Variants in FNDC3B observed in about 807,000 individuals in gnomAD.
The protein encoded by FNDC3B is fibronectin type III domain containing 3B, also known as fibronectin type III domain-containing protein 3B.
In FNDC3B, 12 loss-of-function variants were observed where a neutral mutation model predicts 151.5. The observed-to-expected ratio is 0.08, with a 90% CI of 0.05 to 0.13. FNDC3B has a LOEUF of 0.13. Among genes scored for constraint, FNDC3B ranks in the 10% least tolerant of loss-of-function variants. FNDC3B has a pLI of 1.00. For missense variants in FNDC3B, 1,214 were observed against 1,505.3 expected, an observed-to-expected ratio of 0.81 and a Z score of 3.20; for synonymous variants, 528 against 549.0, an observed-to-expected ratio of 0.96 and a Z score of 0.54.
rs559697240 is a variant in FNDC3B, at chr3:172,054,793, T to C, written c.-29+15022T>C. Among the ~76,000 whole-genome samples, 4 of 152,286 alleles carry C rather than the reference T, an allele frequency of 2.6e-5. No homozygotes were observed. The East Asian group carries it at 7.7e-4, about 29-fold the overall frequency. ...GCCCACCTGACCCCTCTCTCTATAG[T>C]TGGAGGCTGGGGAAGCCTTTGCCTC... On this transcript the variant is annotated intron_variant, in intron 1 of 25. Coordinates refer to ENST00000415807, the MANE Select transcript of FNDC3B (RefSeq NM_022763.4).
intron 3 of FNDC3B, among the ~76,000 whole-genome samples, chr3:172,214,718 C>T (rs1159897489): frequency 6.6e-6 from 1 of 152,132 alleles, no homozygotes; most frequent in African/African-American, 2.4e-5. Flanking sequence ...TCCATACATC[C>T]TGGACATTTC....
chr3:172,353,444 G>A (rs951671930), intron 22 of FNDC3B, among the ~76,000 whole-genome samples: 2 of 152,190 alleles, frequency 1.3e-5, no homozygotes, highest in Non-Finnish European at 2.9e-5. Flanking sequence ...CTTAACAGTG[G>A]CTTAAATGAT....
At chr3:172,146,293 A>AT (rs1345293000) in intron 3 of FNDC3B, among the ~76,000 whole-genome samples, 1 of 152,210 alleles carries the variant, frequency 6.6e-6, no homozygotes, top group African/African-American at 2.4e-5. Context: ...CTTGAATCAT[A>AT]TGCCCAAGGA....
At chr3:172,048,287 A>G (rs1716464435) in intron 1 of FNDC3B, among the ~76,000 whole-genome samples, 1 of 152,172 alleles carries the variant, frequency 6.6e-6, no homozygotes, top group Non-Finnish European at 1.5e-5. Flanking sequence ...GTTTTAAAAA[A>G]CCCATTCTAT....
At chr3:172,335,241 A>T (rs1732903185) in intron 15 of FNDC3B, 159 bp downstream of exon 15, 1 of 558,576 alleles carries the variant, frequency 1.8e-6, no homozygotes, top group African/African-American at 2.0e-5. Flanking sequence ...CATCCTGAGA[A>T]TTCTACAAAT....
intron 3 of FNDC3B, among the ~76,000 whole-genome samples, chr3:172,160,658 A>G (rs1360505748): frequency 6.6e-6 from 1 of 152,244 alleles, no homozygotes; most frequent in African/African-American, 2.4e-5. Context: ...AGATTAATAG[A>G]ATAATCTATA....
intron 3 of FNDC3B, among the ~76,000 whole-genome samples, chr3:172,217,741 A>C (rs555745330): frequency 4.3e-4 from 66 of 152,254 alleles, no homozygotes; most frequent in African/African-American, 1.3e-3. Context: ...GAAAATTGGG[A>C]TTTAAGAAGC....
chr3:172,159,966 CT>C (rs1472507010), intron 3 of FNDC3B, among the ~76,000 whole-genome samples: 1 of 152,108 alleles, frequency 6.6e-6, no homozygotes, highest in Non-Finnish European at 1.5e-5. Context: ...AATCAGGACC[CT>C]TTTATAAATG....
chr3:172,290,728 GATAGGCGGCT>G (rs1368406879), intron 7 of FNDC3B, among the ~76,000 whole-genome samples: 5 of 152,242 alleles, frequency 3.3e-5, no homozygotes, highest in South Asian at 2.1e-4. Context: ...TCTGGGAGCA[GATAGGCGGCT>G]CTTAGCACTT....
chr3:172,251,253 A>G lies in FNDC3B; in HGVS notation c.509-7A>G, dbSNP rs371206573. On this transcript the variant is annotated splice_region_variant and splice_polypyrimidine_tract_variant and intron_variant, in intron 5 of 25. Coordinates refer to ENST00000415807, the MANE Select transcript of FNDC3B (RefSeq NM_022763.4). ...GAGTTTGGGTTTATCATAATCATCCATTTTAGAAATTATACCATTTTATGG... is the reference window on the plus strand; with the variant it reads ...GAGTTTGGGTTTATCATAATCATCCGTTTTAGAAATTATACCATTTTATGG... 4.4e-6 allele frequency: 7 copies of G among 1,596,862 alleles called. No individual in the cohort carries two copies. The highest frequency in any genetic ancestry group is 5.1e-6 in the Non-Finnish European group (6 of 1,166,926).
At chr3:172,336,679 T>C (rs1291848308) in intron 15 of FNDC3B, among the ~76,000 whole-genome samples, 1 of 144,462 alleles carries the variant, frequency 6.9e-6, no homozygotes, top group African/African-American at 2.5e-5. Context: ...GGCAAGTGGA[T>C]CACCTGAGGT....
At chr3:172,361,234 T>C (rs897724267) in intron 22 of FNDC3B, among the ~76,000 whole-genome samples, 1 of 152,252 alleles carries the variant, frequency 6.6e-6, no homozygotes, top group Non-Finnish European at 1.5e-5. Flanking sequence ...ACAGACTGCA[T>C]TGATTCTTCT....
chr3:172,178,861 C>G lies in FNDC3B; in HGVS notation c.187+45315C>G, dbSNP rs577363426. Among the ~76,000 whole-genome samples the G allele has an allele frequency of 2.0e-5, 3 of 152,238 alleles. No individual in the cohort carries two copies. In the East Asian group the frequency reaches 5.8e-4, roughly 29 times the overall value. On this transcript the variant is annotated intron_variant, in intron 3 of 25. Coordinates refer to ENST00000415807, the MANE Select transcript of FNDC3B (RefSeq NM_022763.4). Reference sequence around the variant, plus strand: ...TCAGGGTCTTTTTCTTCCACACTACCCCCTTCAGCGCCTCCACATACCCAG... The same window carrying G: ...TCAGGGTCTTTTTCTTCCACACTACGCCCTTCAGCGCCTCCACATACCCAG...
intron 2 of FNDC3B, among the ~76,000 whole-genome samples, chr3:172,128,460 C>T (rs748870627): frequency 1.3e-5 from 2 of 151,868 alleles, no homozygotes; most frequent in Non-Finnish European, 2.9e-5. Context: ...CTGAGGCCAG[C>T]TGTGTTCTAT....
In FNDC3B at chr3:172,110,671, C is replaced by T. The variant is rs549104702; in HGVS notation, c.-28-1781C>T. On this transcript the variant is annotated intron_variant, in intron 1 of 25. Transcript: ENST00000415807. ...AGCAGAGGGGATGCAGAGAAGACAA[C>T]AGAGCCACAGTCTGCACCACAGCCT... Among the ~76,000 whole-genome samples, 3 of 151,958 alleles carry T rather than the reference C, an allele frequency of 2.0e-5. No individual in the cohort carries two copies. In the South Asian group the frequency reaches 6.2e-4, roughly 32 times the overall value.
intron 3 of FNDC3B, among the ~76,000 whole-genome samples, chr3:172,143,769 C>T (rs183573075): frequency 3.9e-5 from 6 of 151,924 alleles, no homozygotes; most frequent in East Asian, 3.9e-4. Context: ...ATTAGCTGGG[C>T]GTGGTGGCAC....
At chr3:172,341,903 T>C (rs756009324) in intron 17 of FNDC3B, among the ~76,000 whole-genome samples, 3 of 152,210 alleles carry the variant, frequency 2.0e-5, no homozygotes, top group Non-Finnish European at 4.4e-5. Context: ...CATGGAGTAC[T>C]CTAGAAATAA....
chr3:172,252,012 T>C (rs1317128797), intron 6 of FNDC3B, among the ~76,000 whole-genome samples: 2 of 152,224 alleles, frequency 1.3e-5, no homozygotes, highest in Non-Finnish European at 2.9e-5. Flanking sequence ...GCATCAGTTA[T>C]TGTCTCATAC....
intron 7 of FNDC3B, among the ~76,000 whole-genome samples, chr3:172,288,971 A>G (rs1049165441): frequency 3.3e-5 from 5 of 152,146 alleles, no homozygotes; most frequent in Non-Finnish European, 7.4e-5. Context: ...TTTGCACATG[A>G]CTAAAACAAC....
Sources: allele counts gnomAD v4.1 joint callset (sites outside exome capture counted in the v4.1 genomes callset), GRCh38; gene constraint gnomAD v4.1.1; transcripts MANE v1.5; gene names NCBI Gene and HGNC (gene_info 2026-07-23, HGNC 2026-07-21).